GALNTL6: variants seen among roughly 807,000 people sequenced by gnomAD.
The protein encoded by GALNTL6 is polypeptide N-acetylgalactosaminyltransferase like 6.
GALNTL6 carries 46 observed loss-of-function variants against 73.7 expected under a neutral mutation model. The ratio of observed to expected loss-of-function variants is 0.62; its 90% CI spans 0.49 to 0.80. GALNTL6 has a LOEUF of 0.80. Among genes scored for constraint, GALNTL6 ranks in the 30% least tolerant of loss-of-function variants. The pLI is 0.00. For missense variants in GALNTL6, 604 were observed against 755.0 expected, an observed-to-expected ratio of 0.80 and a Z score of 2.34; for synonymous variants, 259 against 263.7, an observed-to-expected ratio of 0.98 and a Z score of 0.17.
At chr4:172,192,742 T>A (rs1355461226) in intron 2 of GALNTL6, among the ~76,000 whole-genome samples, 1 of 152,174 alleles carries the variant, frequency 6.6e-6, no homozygotes, top group Non-Finnish European at 1.5e-5. Flanking sequence ...GCTGTGCAGA[T>A]GCTTGGTGGC....
chr4:172,471,347 A>T (rs181801874), intron 5 of GALNTL6, among the ~76,000 whole-genome samples: 277 of 152,210 alleles, frequency 1.8e-3, no homozygotes, highest in Non-Finnish European at 3.2e-3. Flanking sequence ...GAATTTCTTT[A>T]TTTTTACTGC....
chr4:171,873,721 C>T (rs1365597402), intron 2 of GALNTL6, among the ~76,000 whole-genome samples: 1 of 152,086 alleles, frequency 6.6e-6, no homozygotes, highest in Non-Finnish European at 1.5e-5. Context: ...GGGTTCTACT[C>T]ATATATAACT....
intron 3 of GALNTL6, among the ~76,000 whole-genome samples, chr4:172,309,041 T>G (rs1254234784): frequency 6.6e-6 from 1 of 151,962 alleles, no homozygotes; most frequent in Non-Finnish European, 1.5e-5. Context: ...CATTTTCTCC[T>G]AAGAAATCAA....
At chr4:171,861,571 T>C (rs1735831688) in intron 2 of GALNTL6, among the ~76,000 whole-genome samples, 4 of 152,198 alleles carry the variant, frequency 2.6e-5, no homozygotes, top group Middle Eastern at 6.8e-3. Flanking sequence ...TCCATCAATC[T>C]TCCTCAGTTT....
At chr4:172,322,184 A>C (rs1740783567) in intron 4 of GALNTL6, among the ~76,000 whole-genome samples, 1 of 152,146 alleles carries the variant, frequency 6.6e-6, no homozygotes, top group Non-Finnish European at 1.5e-5. Flanking sequence ...CAAAATGTCG[A>C]ACCATGCACT....
intron 10 of GALNTL6, among the ~76,000 whole-genome samples, chr4:172,975,543 G>A (rs1179985107): frequency 3.9e-5 from 6 of 152,146 alleles, no homozygotes; most frequent in Admixed American, 3.3e-4. Flanking sequence ...CTGACAGCCT[G>A]GCCACCAGGC....
chr4:172,978,013 G>T (rs898620014), intron 10 of GALNTL6, among the ~76,000 whole-genome samples: 18 of 152,062 alleles, frequency 1.2e-4, no homozygotes, highest in Admixed American at 1.0e-3. Context: ...CTAATTTTTG[G>T]TATTTTTAGT....
intron 5 of GALNTL6, among the ~76,000 whole-genome samples, chr4:172,679,411 C>CAA (rs61373196): frequency 3.4e-5 from 4 of 117,666 alleles, no homozygotes; most frequent in Non-Finnish European, 7.4e-5. Context: ...AACTCCATCT[C>CAA]AAAAAAAAAA....
intron 5 of GALNTL6, among the ~76,000 whole-genome samples, chr4:172,552,295 G>A (rs558025864): frequency 9.2e-5 from 14 of 152,110 alleles, no homozygotes; most frequent in South Asian, 6.2e-4. Flanking sequence ...AAAGAATCTC[G>A]TTTTGCATCT....
At chr4:172,582,140 C>T (rs1737214658) in intron 5 of GALNTL6, among the ~76,000 whole-genome samples, 1 of 152,098 alleles carries the variant, frequency 6.6e-6, no homozygotes, top group Non-Finnish European at 1.5e-5. Context: ...TGTGTGTGGC[C>T]CTTGATGGGC....
chr4:171,814,950 A>G, intron 2 of GALNTL6: 1 of 568,200 alleles, frequency 1.8e-6, no homozygotes, highest in South Asian at 2.5e-5. Context: ...CAGGTCAAGA[A>G]GAAGAGAAGA....
intron 2 of GALNTL6, among the ~76,000 whole-genome samples, chr4:171,850,331 C>T (rs889407043): frequency 1.3e-5 from 2 of 152,184 alleles, no homozygotes; most frequent in Admixed American, 1.3e-4. Context: ...AGTGCACAGC[C>T]TCTGTAAACT....
At position 172,769,597 on chromosome 4, in the gene GALNTL6, G is replaced by A. The variant is rs991377214; in HGVS notation, c.554-39764G>A. On this transcript the variant is annotated intron_variant, in intron 5 of 12. Coordinates refer to ENST00000506823, the MANE Select transcript of GALNTL6 (RefSeq NM_001034845.3). ...AAGGAAGATGTCCAATGGCTTTGGA[G>A]AAATGTCAGAGCTAGAGATAGAGAT... Among the ~76,000 whole-genome samples the A allele has an allele frequency of 2.6e-5, 4 of 152,230 alleles. No individual in the cohort carries two copies. In the South Asian group the frequency reaches 8.3e-4, roughly 32 times the overall value.
chr4:172,668,287 C>T (rs1731782581), intron 5 of GALNTL6: 1 of 152,144 alleles, frequency 6.6e-6, no homozygotes, highest in African/African-American at 2.4e-5. Flanking sequence ...TATCCAAGAG[C>T]TAAATTTGAA....
At chr4:172,432,029 C>T (rs1350570469) in intron 5 of GALNTL6, among the ~76,000 whole-genome samples, 1 of 152,028 alleles carries the variant, frequency 6.6e-6, no homozygotes, top group Admixed American at 6.6e-5. Context: ...TGCCATTTTA[C>T]TAATAAAAGT....
At chr4:172,091,210 C>T (rs1732194339) in intron 2 of GALNTL6, among the ~76,000 whole-genome samples, 4 of 151,982 alleles carry the variant, frequency 2.6e-5, no homozygotes, top group Non-Finnish European at 5.9e-5. Context: ...TCATCCTTGG[C>T]CTAATTATTT....
intron 7 of GALNTL6, among the ~76,000 whole-genome samples, chr4:172,856,229 C>A (rs1744115521): frequency 6.6e-6 from 1 of 152,140 alleles, no homozygotes; most frequent in Non-Finnish European, 1.5e-5. Flanking sequence ...TATCTTTATG[C>A]AATGAGTGAC....
At chr4:172,635,250 G>T (rs1560848066) in intron 5 of GALNTL6, among the ~76,000 whole-genome samples, 2 of 152,054 alleles carry the variant, frequency 1.3e-5, no homozygotes, top group Non-Finnish European at 2.9e-5. Context: ...TAAATCAGTT[G>T]CTACAGGCAT....
chr4:172,391,616 C>T (rs1183877948), intron 5 of GALNTL6, among the ~76,000 whole-genome samples: 1 of 152,168 alleles, frequency 6.6e-6, no homozygotes, highest in Non-Finnish European at 1.5e-5. Flanking sequence ...TTGGCCATTA[C>T]ATTTCAACAT....
Sources: gnomAD v4.1 joint callset for allele counts (sites outside exome capture counted in the v4.1 genomes callset) on GRCh38, gnomAD v4.1.1 for gene constraint, MANE v1.5 for transcripts, NCBI Gene and HGNC (gene_info 2026-07-23, HGNC 2026-07-21) for gene names.